CLPTM1L: variants seen among roughly 807,000 people sequenced by gnomAD.
The protein encoded by CLPTM1L is CLPTM1 like, also known as lipid scramblase CLPTM1L.
CLPTM1L carries 38 observed loss-of-function variants against 70.9 expected under a neutral mutation model. The ratio of observed to expected loss-of-function variants is 0.54; its 90% CI spans 0.41 to 0.70. The LOEUF is 0.70. Ranked by LOEUF, CLPTM1L falls within the 30% of genes least tolerant of loss-of-function variation. The pLI is 0.00. For missense variants in CLPTM1L, 652 were observed against 705.9 expected (o/e 0.92, Z 0.87); for synonymous variants, 339 against 299.9 (o/e 1.13, Z -1.35).
At chr5:1,334,774 C>CAAAT (rs1044154408) in intron 6 of CLPTM1L, among the ~76,000 whole-genome samples, 3 of 152,194 alleles carry the variant, frequency 2.0e-5, no homozygotes, top group African/African-American at 7.2e-5. Flanking sequence ...AACAAACAAA[C>CAAAT]AAACAAACAA....
At position 1,318,765 on chromosome 5, in the gene CLPTM1L, A is replaced by G. The variant is rs1751980395; in HGVS notation, c.1533-312T>C. 6.6e-6 allele frequency among the ~76,000 whole-genome samples: 1 copy of G among 152,148 alleles called. No homozygotes were observed. The highest frequency in any genetic ancestry group is 1.5e-5 in the Non-Finnish European group (1 of 68,038). ...GAGGCTGCACGGGCTGCCTTCTGGG[A>G]ACGGTGGCATCACGGAGACTCGAGT... is the stretch of plus-strand genomic sequence containing the variant. On this transcript the variant is annotated intron_variant, in intron 16 of 16. Transcript: ENST00000320895. This position sits in a 1 kb window ranked among gnomAD's most constrained non-coding sequence, Gnocchi z 8.9.
intron 15 of CLPTM1L, 137 bp from the exon 16 acceptor site, chr5:1,320,868 G>A (rs1226879445): frequency 1.8e-6 from 1 of 558,994 alleles, no homozygotes. Context: ...ACAACAAAAA[G>A]AGCAGAAAGC....
At chr5:1,332,128 T>C in intron 7 of CLPTM1L, 1 of 513,886 alleles carries the variant, frequency 1.9e-6, no homozygotes, top group Non-Finnish European at 3.5e-6. Context: ...TGACTTGAAC[T>C]GCTGGAAAGG....
chr5:1,325,701 T>C (rs2126727613), intron 10 of CLPTM1L, 50 bp downstream of exon 10: 1 of 1,525,882 alleles, frequency 6.6e-7, no homozygotes, highest in Non-Finnish European at 9.1e-7. Context: ...GGGGGCAAAA[T>C]CACACTCTTC....
Position 1,338,850 on chromosome 5 carries a change from C to A in CLPTM1L, c.599+10G>T. On this transcript the variant is annotated intron_variant, in intron 4 of 16. Transcript: ENST00000320895. ...TCCCCCCGGCGCTCCAGCTCTGGGG[C>A]CCCACTTACATCTTCATGTACCGAT... The A allele has an allele frequency of 1.2e-6, 2 of 1,612,918 alleles. No individual in the cohort carries two copies. The highest frequency in any genetic ancestry group is 1.7e-6 in the Non-Finnish European group (2 of 1,179,886).
At chr5:1,327,107 A>G (rs1209311776) in intron 9 of CLPTM1L, among the ~76,000 whole-genome samples, 89 of 140,248 alleles carry the variant, frequency 6.3e-4, no homozygotes, top group South Asian at 5.1e-3. Flanking sequence ...TCCTCGACAG[A>G]CACATTCCAT....
chr5:1,323,239 C>T (rs1752270486), intron 12 of CLPTM1L, among the ~76,000 whole-genome samples: 2 of 151,174 alleles, frequency 1.3e-5, no homozygotes, highest in Admixed American at 1.3e-4. Context: ...CCGGGCACTC[C>T]AGGAACCCCT....
In CLPTM1L at chr5:1,318,608, C is replaced by T. The variant is rs185876461; in HGVS notation, c.1533-155G>A. 2.4e-4 allele frequency among the ~76,000 whole-genome samples: 36 copies of T among 152,304 alleles called. No homozygotes were observed. Among genetic ancestry groups the T allele is most frequent in the Non-Finnish European group, 2.5e-4 (17 of 68,020 alleles). On this transcript the variant is annotated intron_variant, in intron 16 of 16. Coordinates refer to ENST00000320895, the MANE Select transcript of CLPTM1L (RefSeq NM_030782.5). This position sits in a 1 kb window ranked among gnomAD's most constrained non-coding sequence, Gnocchi z 8.9. The stretch of plus-strand genomic sequence containing the variant: ...TCCTCAGAAGTTTTACTGCCGAGGG[C>T]TGAGGAGGGATTTCTGAGTTGTGTT...
rs759668389 is a variant in CLPTM1L, at chr5:1,342,291, G to C, written c.264-431C>G. 7.9e-5 allele frequency among the ~76,000 whole-genome samples: 12 copies of C among 152,174 alleles called. No individual in the cohort carries two copies. The highest frequency in any genetic ancestry group is 1.5e-4 in the Non-Finnish European group (10 of 68,036). On this transcript the variant is annotated intron_variant, in intron 2 of 16. Coordinates refer to ENST00000320895, the MANE Select transcript of CLPTM1L (RefSeq NM_030782.5). This position sits in a 1 kb window ranked among gnomAD's most constrained non-coding sequence, Gnocchi z 4.3. ...AAGGGCAGCAGCCACGAGGGCTCCA[G>C]GTGCCTCGGCCCACACTACTGGAAC...
chr5:1,341,627 C>A, intron 3 of CLPTM1L, 44 bp downstream of exon 3: 1 of 1,519,094 alleles, frequency 6.6e-7, no homozygotes, highest in Non-Finnish European at 9.0e-7. Flanking sequence ...TCCGTTCTGA[C>A]GGAGAGGCAC....
rs1247509689 is a variant in CLPTM1L, at chr5:1,327,072, C to T, written c.1081-1256G>A. On this transcript the variant is annotated intron_variant, in intron 9 of 16. Coordinates refer to ENST00000320895, the MANE Select transcript of CLPTM1L (RefSeq NM_030782.5). ...AGGGACATTCCACCCAGCTCCTCCT[C>T]GACAGGGACATTCCACCCAGCTCCT... is the stretch of plus-strand genomic sequence containing the variant. Among the ~76,000 whole-genome samples the T allele has an allele frequency of 2.4e-4, 36 of 150,412 alleles. 1 individual carries two copies. Among genetic ancestry groups the T allele is most frequent in the Middle Eastern group, 3.4e-3 (1 of 292 alleles).
intron 11 of CLPTM1L, among the ~76,000 whole-genome samples, 183 bp downstream of exon 11, chr5:1,324,580 G>A (rs933443310): frequency 6.6e-6 from 1 of 152,220 alleles, no homozygotes; most frequent in African/African-American, 2.4e-5. Flanking sequence ...GAGTCTCTGC[G>A]AGCCCCCGCC....
In CLPTM1L at chr5:1,330,268, C is replaced by A; in HGVS notation, c.1080+12G>T. ...GGACCTCAGACAGTTCAGGTCACTG[C>A]CCGGAACTCACCTCAATGGCGGCTC... On this transcript the variant is annotated intron_variant, in intron 9 of 16. Coordinates refer to ENST00000320895, the MANE Select transcript of CLPTM1L (RefSeq NM_030782.5). 1 of 1,606,122 alleles carries A rather than the reference C, an allele frequency of 6.2e-7. No individual in the cohort carries two copies.
At chr5:1,338,743 G>A in intron 4 of CLPTM1L, 117 bp downstream of exon 4, 8 of 1,208,834 alleles carry the variant, frequency 6.6e-6, no homozygotes, top group Non-Finnish European at 8.2e-6. Context: ...GGCCCGGGCA[G>A]CAAGTGCCTC....
chr5:1,340,805 CAG>C (rs1296353806), intron 3 of CLPTM1L, among the ~76,000 whole-genome samples: 2 of 152,222 alleles, frequency 1.3e-5, no homozygotes, highest in African/African-American at 2.4e-5. Flanking sequence ...TTTTCTGAGG[CAG>C]AGTCTCCCTC....
rs1300153602 is a variant in CLPTM1L at position 1,331,510 on chromosome 5, A to G, written c.976+289T>C. Reference sequence around the variant, plus strand: ...AAGGCTCGAGAGGTCCATGCATCTCACTCTCCACAGCCCAGACCCAGACCC... The same window carrying G: ...AAGGCTCGAGAGGTCCATGCATCTCGCTCTCCACAGCCCAGACCCAGACCC... On this transcript the variant is annotated intron_variant, in intron 8 of 16. Coordinates refer to ENST00000320895, the MANE Select transcript of CLPTM1L (RefSeq NM_030782.5). The G allele has an allele frequency of 5.2e-5, 27 of 517,278 alleles. No homozygotes were observed. The South Asian group carries it at 7.5e-4, about 14-fold the overall frequency. The allele number at this position is 517,278 out of a possible 1,614,324, so 32.0% of individuals were successfully genotyped here.
At chr5:1,326,870 G>GACACATTTCATCCAGCTCCTCCTCT (rs1752609909) in intron 9 of CLPTM1L, among the ~76,000 whole-genome samples, 1 of 68,268 alleles carries the variant, frequency 1.5e-5, no homozygotes, top group African/African-American at 5.9e-5. Context: ...GCTCCTCCTC[G>GACACATTTCATCCAGCTCCTCCTCT]ACAGACACAT....
At chr5:1,339,900 G>A (rs12521402) in intron 3 of CLPTM1L, among the ~76,000 whole-genome samples, 6,166 of 102,432 alleles carry the variant, frequency 0.06, 107 homozygotes, top group Middle Eastern at 0.14. Flanking sequence ...GGGACAGCAG[G>A]GTCAGCGCCC....
chr5:1,335,401 G>T (rs1050900193), intron 5 of CLPTM1L, among the ~76,000 whole-genome samples: 1 of 152,220 alleles, frequency 6.6e-6, no homozygotes, highest in African/African-American at 2.4e-5. Flanking sequence ...CCAGGACCCC[G>T]TGAGCTCAGC....
Sources: allele counts gnomAD v4.1 joint callset (sites outside exome capture counted in the v4.1 genomes callset), GRCh38; gene constraint gnomAD v4.1.1; non-coding constraint Gnocchi (gnomAD v3.1); transcripts MANE v1.5; gene names NCBI Gene and HGNC (gene_info 2026-07-23, HGNC 2026-07-21).